The following INTS3 variants were observed in gnomAD, a reference collection of about 807,000 sequenced individuals.
INTS3 encodes the protein SOSS complex subunit A.
A neutral mutation model predicts 146.3 loss-of-function variants in INTS3; 34 were observed. The ratio of observed to expected loss-of-function variants is 0.23; its 90% CI spans 0.18 to 0.31. The LOEUF (loss-of-function observed/expected upper bound fraction) is 0.31, where lower values mean the gene tolerates loss of function less well. INTS3 is among the 10% of genes least tolerant of loss of function. The pLI is 1.00. For synonymous variants in INTS3, 475 were observed against 494.9 expected, an observed-to-expected ratio of 0.96 and a Z score of 0.53; for missense variants, 757 against 1,304.2, an observed-to-expected ratio of 0.58 and a Z score of 6.46.
In INTS3 at chr1:153,740,635, T is replaced by C. The variant is rs1557991151; in HGVS notation, c.151-16T>C. ...GTGTTATGACACACTGTTCATTTTT[T>C]CTCACCCCTTCCCAGAGATTGGAAA... On this transcript the variant is annotated splice_polypyrimidine_tract_variant and intron_variant, in intron 1 of 29. Coordinates refer to ENST00000318967, the MANE Select transcript of INTS3 (RefSeq NM_023015.5). The C allele has an allele frequency of 6.2e-7, 1 of 1,607,156 alleles. No homozygotes were observed. The highest frequency in any genetic ancestry group is 1.7e-4 in the Middle Eastern group (1 of 6,056).
Position 153,772,862 on chromosome 1 carries a change from G to A in INTS3, c.2895-63G>A. On this transcript the variant is annotated intron_variant, in intron 28 of 29. Transcript: ENST00000318967. This position sits in a 1 kb window ranked among gnomAD's most constrained non-coding sequence, Gnocchi z 4.6. ...GGCCTAGGCCTGGGGGCAGAGAAGA[G>A]GATGGGAGGTGCCGTAGGAGCAGCA... 2 of 1,606,192 alleles carry A rather than the reference G, an allele frequency of 1.2e-6. No homozygotes were observed. Among genetic ancestry groups the A allele is most frequent in the Non-Finnish European group, 1.7e-6 (2 of 1,174,014 alleles).
chr1:153,761,038 C>T, intron 13 of INTS3, 120 bp downstream of exon 13: 1 of 1,498,916 alleles, frequency 6.7e-7, no homozygotes, highest in Non-Finnish European at 8.9e-7. Flanking sequence ...AGTATTGGCT[C>T]TACCTCAGAC....
intron 1 of INTS3, among the ~76,000 whole-genome samples, chr1:153,739,945 C>T (rs969964037): frequency 6.6e-6 from 1 of 150,510 alleles, no homozygotes; most frequent in South Asian, 2.1e-4. Flanking sequence ...GGATTACAGG[C>T]GCACACCACC....
intron 3 of INTS3, among the ~76,000 whole-genome samples, chr1:153,746,475 A>G (rs1013923131): frequency 6.6e-6 from 1 of 151,512 alleles, no homozygotes; most frequent in Non-Finnish European, 1.5e-5. Context: ...ATCTCCGCTC[A>G]CTGCAAACTC....
chr1:153,748,011 T>C (rs1671811878), intron 5 of INTS3: 1 of 157,122 alleles, frequency 6.4e-6, no homozygotes, highest in Non-Finnish European at 1.4e-5. Flanking sequence ...ACACTGATGC[T>C]CCTGTTTTGA....
At chr1:153,748,390 A>T in intron 5 of INTS3, 1 of 402,296 alleles carries the variant, frequency 2.5e-6, no homozygotes, top group South Asian at 2.4e-5. Flanking sequence ...TGGGCTTCTT[A>T]TATCTACTTC....
intron 6 of INTS3, 57 bp downstream of exon 6, chr1:153,748,812 G>A (rs946228919): frequency 2.5e-5 from 34 of 1,383,120 alleles, no homozygotes; most frequent in Middle Eastern, 3.7e-4. Flanking sequence ...TAGGAGTGTG[G>A]GTGTGGGAAA....
chr1:153,770,676 C>T lies in INTS3; in HGVS notation c.2504-9C>T. 6.2e-7 allele frequency: 1 copy of T among 1,612,794 alleles called. No individual in the cohort carries two copies. Among genetic ancestry groups the T allele is most frequent in the Non-Finnish European group, 8.5e-7 (1 of 1,178,804 alleles). On this transcript the variant is annotated splice_polypyrimidine_tract_variant and intron_variant, in intron 24 of 29. Transcript: ENST00000318967. ...TTCCCCCTGAACAGCCTCTGCCCTT[C>T]CCTCACAGAGCACCCAGAGGCCCTG...
Position 153,772,959 on chromosome 1 carries a change from G to A in INTS3, c.2929G>A (p.Glu977Lys). The A allele has an allele frequency of 6.2e-7, 1 of 1,614,154 alleles. No homozygotes were observed. Among genetic ancestry groups the A allele is most frequent in the Non-Finnish European group, 8.5e-7 (1 of 1,180,028 alleles). ...TCTCTTCTCCCTGGCGGAGGAATAT[G>A]AGGACTCTTCCACCAAGCCACCCAA... ...SDLFSLAEEY[E>K]DSSTKPPKSR... The change falls in exon 29 of 30, where the codon GAG becomes AAG. Residue 977 changes from glutamate to lysine, a missense_variant. This residue lies in a region of INTS3 where 125 missense variants were observed against 165.6 expected (regional missense o/e 0.75). Transcript: ENST00000318967. This position sits in a 1 kb window ranked among gnomAD's most constrained non-coding sequence, Gnocchi z 4.6.
chr1:153,770,100 T>C (rs1197260416), intron 23 of INTS3, 98 bp from the exon 24 acceptor site: 287 of 409,106 alleles, frequency 7.0e-4, no homozygotes, highest in Middle Eastern at 1.9e-3. Context: ...TGTGTGTGTG[T>C]GTGCTGGTAG....
Position 153,771,790 on chromosome 1 carries a change from C to G in INTS3, c.2553-6C>G. On this transcript the variant is annotated splice_polypyrimidine_tract_variant and splice_region_variant and intron_variant, in intron 25 of 29. Transcript: ENST00000318967. Reference sequence around the variant, plus strand: ...AGCAGCACCCAGTGCCCCCTTCCTCCCCCAGGCCCAGCGAGGAGATGGTGA... The same window carrying G: ...AGCAGCACCCAGTGCCCCCTTCCTCGCCCAGGCCCAGCGAGGAGATGGTGA... 6.2e-7 allele frequency: 1 copy of G among 1,609,104 alleles called. No homozygotes were observed. Among genetic ancestry groups the G allele is most frequent in the Non-Finnish European group, 8.5e-7 (1 of 1,176,934 alleles).
At chr1:153,762,392 C>T (rs1316035088) in intron 14 of INTS3, among the ~76,000 whole-genome samples, 2 of 152,150 alleles carry the variant, frequency 1.3e-5, no homozygotes, top group Non-Finnish European at 1.5e-5. Context: ...TGCAGTGAGC[C>T]GAGATGGCGC....
intron 21 of INTS3, 29 bp from the exon 22 acceptor site, chr1:153,768,864 G>T (rs769591715): frequency 6.3e-7 from 1 of 1,585,760 alleles, no homozygotes; most frequent in East Asian, 2.2e-5. Flanking sequence ...AGCCCATCCA[G>T]GACTCTTCCC....
In INTS3 at chr1:153,757,186, T is replaced by G. The variant is rs75608941; in HGVS notation, c.958-386T>G. Among the ~76,000 whole-genome samples the G allele has an allele frequency of 8.6e-3, 1,307 of 152,280 alleles. 10 individuals carry two copies. The highest frequency in any genetic ancestry group is 0.013 in the Non-Finnish European group (855 of 68,026). On this transcript the variant is annotated intron_variant, in intron 9 of 29. Transcript: ENST00000318967. This position sits in a 1 kb window ranked among gnomAD's most constrained non-coding sequence, Gnocchi z 4.0. Reference sequence around the variant, plus strand: ...TGGTGAACAGACCCAGCTCTTACTCTTGAAGAACATTTCTTGCTGTTCACC... The same window carrying G: ...TGGTGAACAGACCCAGCTCTTACTCGTGAAGAACATTTCTTGCTGTTCACC...
rs182434442 is a variant in INTS3 at position 153,728,133 on chromosome 1, T to C, written c.-502T>C. On this transcript the variant is annotated 5_prime_UTR_variant, in exon 1 of 30. Coordinates refer to ENST00000318967, the MANE Select transcript of INTS3 (RefSeq NM_023015.5). ...GGTCCTCCCCGTCCTCCCATAGCGC[T>C]TATTGCCTCACCCTCACCCCCTAGG... is the stretch of plus-strand genomic sequence containing the variant. 1.2e-3 allele frequency: 436 copies of C among 374,924 alleles called. 6 individuals carry two copies. The highest frequency in any genetic ancestry group is 8.4e-3 in the African/African-American group (392 of 46,914). The allele number at this position is 374,924 out of a possible 1,614,324, so 23.2% of individuals were successfully genotyped here.
At chr1:153,763,963 C>A in intron 17 of INTS3, 77 bp downstream of exon 17, 1 of 1,421,060 alleles carries the variant, frequency 7.0e-7, no homozygotes, top group Non-Finnish European at 9.9e-7. Flanking sequence ...GAAGACAACT[C>A]ACTTTTTCCC....
intron 22 of INTS3, 116 bp downstream of exon 22, chr1:153,769,077 C>T: frequency 1.2e-6 from 1 of 808,836 alleles, no homozygotes; most frequent in Non-Finnish European, 2.1e-6. Context: ...AGGCACCCTC[C>T]CTCCTGGCTA....
In INTS3 at chr1:153,770,416, C is replaced by T. The variant is rs1672799861; in HGVS notation, c.2503+105C>T. ...TCTAGGATGAGCCCAGATCCATTGT[C>T]CTCCTTCCCACCAAAGTGCACAAGG... On this transcript the variant is annotated intron_variant, in intron 24 of 29. Transcript: ENST00000318967. 7.3e-6 allele frequency: 6 copies of T among 823,698 alleles called. No homozygotes were observed. The East Asian group carries it at 7.3e-5, about 10-fold the overall frequency. 51.0% of individuals were successfully genotyped at this position (823,698 alleles called of 1,614,324 possible).
intron 13 of INTS3, chr1:153,761,186 A>G: frequency 3.9e-6 from 3 of 768,406 alleles, no homozygotes; most frequent in Non-Finnish European, 5.8e-6. Context: ...GATTGTGCTT[A>G]GACCTATCTC....
Sources: allele counts gnomAD v4.1 joint callset (sites outside exome capture counted in the v4.1 genomes callset), GRCh38; gene constraint gnomAD v4.1.1; regional missense constraint gnomAD v4.1.1; non-coding constraint Gnocchi (gnomAD v3.1); transcripts MANE v1.5; gene names NCBI Gene and HGNC (gene_info 2026-07-23, HGNC 2026-07-21).